Variants in MRPL19 observed in about 807,000 individuals in gnomAD.
MRPL19 encodes the protein large ribosomal subunit protein bL19m.
In MRPL19, 31 loss-of-function variants were observed where a neutral mutation model predicts 34.0. The observed-to-expected ratio is 0.91, with a 90% CI of 0.68 to 1.23. The LOEUF (loss-of-function observed/expected upper bound fraction) is 1.23. MRPL19 is among the 50% of genes most tolerant of loss of function. The pLI is 0.00. For missense variants in MRPL19, 384 were observed against 367.6 expected (o/e 1.04, Z -0.37); for synonymous variants, 152 against 127.7 (o/e 1.19, Z -1.28).
chr2:75,662,098 C>A lies in MRPL19; in HGVS notation c.*6813C>A, dbSNP rs1405889234. On this transcript the variant is annotated 3_prime_UTR_variant, in exon 6 of 6. Transcript: ENST00000393909. ...TAATTGAGATGATTGGTTCTGCAGT[C>A]ATCGAGATGTGGATTTTCTCCTTTA... The A allele has an allele frequency of 6.6e-6, 1 of 152,170 alleles. No homozygotes were observed. Among genetic ancestry groups the A allele is most frequent in the East Asian group, 1.9e-4 (1 of 5,190 alleles). The allele number at this position is 152,170 out of a possible 1,614,324, so 9.4% of individuals were successfully genotyped here.
In MRPL19 at chr2:75,655,228, T is replaced by A. The variant is rs984198040; in HGVS notation, c.822T>A (p.Asp274Glu). The A allele has an allele frequency of 9.3e-6, 15 of 1,613,358 alleles. No homozygotes were observed. The Admixed American group carries it at 1.3e-4, about 14-fold the overall frequency. Residue 274 changes from aspartate to glutamate, a missense_variant, in exon 6 of 6, where the codon GAT (aspartate) becomes GAA (glutamate). Transcript: ENST00000393909. Reference sequence around the variant, plus strand: ...AATTTGATATGATGAGGGAATATGATACTTCAAAAATTGAAGCTGCAATAT... The same window carrying A: ...AATTTGATATGATGAGGGAATATGAAACTTCAAAAATTGAAGCTGCAATAT... ...WLEFDMMREY[D>E]TSKIEAAIWK... is the part of the protein sequence containing the mutation.
In MRPL19 at chr2:75,656,586, C is replaced by A. The variant is rs1678458753; in HGVS notation, c.*1301C>A. 1 of 152,068 alleles carries A rather than the reference C, an allele frequency of 6.6e-6. No homozygotes were observed. The highest frequency in any genetic ancestry group is 1.9e-4 in the East Asian group (1 of 5,196). 9.4% of individuals were successfully genotyped at this position (152,068 alleles called of 1,614,324 possible). On this transcript the variant is annotated 3_prime_UTR_variant, in exon 6 of 6. Transcript: ENST00000393909. ...TTGCATGTCTCATGTTTGATTGATA[C>A]TTTATACGTTTAGGTAGGAGGTAAT...
rs895088658 is a variant in MRPL19, at chr2:75,660,132, T to C, written c.*4847T>C. Among the ~76,000 whole-genome samples, 4 of 152,130 alleles carry C rather than the reference T, an allele frequency of 2.6e-5. No homozygotes were observed. The highest frequency in any genetic ancestry group is 6.6e-5 in the Admixed American group (1 of 15,262). On this transcript the variant is annotated 3_prime_UTR_variant, in exon 6 of 6. Transcript: ENST00000393909. Reference sequence around the variant, plus strand: ...GATTCTTCTCCCTGTTCAGATCAACTGTTGAACTCCTCTAGTGAATTTATT... The same window carrying C: ...GATTCTTCTCCCTGTTCAGATCAACCGTTGAACTCCTCTAGTGAATTTATT...
rs1030029984 is a variant in MRPL19, at chr2:75,661,915, A to T, written c.*6630A>T. 6.6e-6 allele frequency: 1 copy of T among 152,210 alleles called. No individual in the cohort carries two copies. The highest frequency in any genetic ancestry group is 2.4e-5 in the African/African-American group (1 of 41,464). The allele number at this position is 152,210 out of a possible 1,614,324, so 9.4% of individuals were successfully genotyped here. A position where few individuals can be genotyped will look rare whatever the true frequency, so the allele number is the denominator to read the frequency against. On this transcript the variant is annotated 3_prime_UTR_variant, in exon 6 of 6. Coordinates refer to ENST00000393909, the MANE Select transcript of MRPL19 (RefSeq NM_014763.4). ...TGTTGAACAGAAATGGTGAGAGCAGACATCCTTGCTTTAATATTTCACCAT... is the reference window on the plus strand; with the variant it reads ...TGTTGAACAGAAATGGTGAGAGCAGTCATCCTTGCTTTAATATTTCACCAT...
At chr2:75,653,986 C>G (rs577871359) in intron 4 of MRPL19, among the ~76,000 whole-genome samples, 3 of 152,246 alleles carry the variant, frequency 2.0e-5, no homozygotes, top group Admixed American at 2.0e-4. Context: ...CATCTGCTTG[C>G]ATTTGTGCAG....
Position 75,657,364 on chromosome 2 carries a change from T to C in MRPL19, c.*2079T>C, listed in dbSNP as rs1219044357. On this transcript the variant is annotated 3_prime_UTR_variant, in exon 6 of 6. Coordinates refer to ENST00000393909, the MANE Select transcript of MRPL19 (RefSeq NM_014763.4). ...GAATAGAGGCTTCCAATCTCCTTCC[T>C]GGAGGGGTCTGTCCAGGAAGGAGAT... is the stretch of plus-strand genomic sequence containing the variant. 1 of 152,084 alleles carries C rather than the reference T, an allele frequency of 6.6e-6. No homozygotes were observed. Among genetic ancestry groups the C allele is most frequent in the Non-Finnish European group, 1.5e-5 (1 of 67,994 alleles). 9.4% of individuals were successfully genotyped at this position (152,084 alleles called of 1,614,324 possible).
At position 75,660,943 on chromosome 2, in the gene MRPL19, C is replaced by A. The variant is rs762329046; in HGVS notation, c.*5658C>A. 6 of 152,146 alleles carry A rather than the reference C, an allele frequency of 3.9e-5. No individual in the cohort carries two copies. Among genetic ancestry groups the A allele is most frequent in the Non-Finnish European group, 7.3e-5 (5 of 68,036 alleles). The allele number at this position is 152,146 out of a possible 1,614,324, so 9.4% of individuals were successfully genotyped here. ...ATAGATGGTTTTTTGGATATCTTGACCATAGTCTTTCGACCCAGGTGTTTG... is the reference window on the plus strand; with the variant it reads ...ATAGATGGTTTTTTGGATATCTTGAACATAGTCTTTCGACCCAGGTGTTTG... On this transcript the variant is annotated 3_prime_UTR_variant, in exon 6 of 6. Coordinates refer to ENST00000393909, the MANE Select transcript of MRPL19 (RefSeq NM_014763.4).
intron 2 of MRPL19, chr2:75,651,398 T>C: frequency 1.9e-6 from 1 of 537,438 alleles, no homozygotes; most frequent in Non-Finnish European, 3.8e-6. Context: ...TTAAAGTTAC[T>C]GACTCGCTGC....
chr2:75,652,148 G>A lies in MRPL19; in HGVS notation c.228G>A (p.Leu76=), dbSNP rs753229421. Reference sequence around the variant, plus strand: ...TTATTTGTATTTTTTACAGGTTCTTGAGTCCTGAATTCATTCCTCGAAGGG... The same window carrying A: ...TTATTTGTATTTTTTACAGGTTCTTAAGTCCTGAATTCATTCCTCGAAGGG... ...HRPVEPERRF[L]SPEFIPRRGR... Residue 76 remains leucine, a synonymous_variant, in exon 3 of 6, where the codon TTG becomes TTA. Transcript: ENST00000393909. The A allele has an allele frequency of 6.4e-7, 1 of 1,551,246 alleles. No homozygotes were observed. Among genetic ancestry groups the A allele is most frequent in the Non-Finnish European group, 8.7e-7 (1 of 1,144,822 alleles).
chr2:75,653,056 T>A (rs1210009257), intron 4 of MRPL19, among the ~76,000 whole-genome samples: 1 of 152,220 alleles, frequency 6.6e-6, no homozygotes, highest in Non-Finnish European at 1.5e-5. Flanking sequence ...CACATTTTAC[T>A]TTATGTTATG....
At chr2:75,654,569 T>C (rs981730046) in intron 4 of MRPL19, among the ~76,000 whole-genome samples, 167 bp from the exon 5 acceptor site, 2 of 152,232 alleles carry the variant, frequency 1.3e-5, no homozygotes, top group African/African-American at 4.8e-5. Context: ...TTTTAGCTTA[T>C]TTCTATTTCT....
chr2:75,651,125 C>G (rs1573026678), intron 2 of MRPL19, among the ~76,000 whole-genome samples: 1 of 152,158 alleles, frequency 6.6e-6, no homozygotes, highest in Non-Finnish European at 1.5e-5. Flanking sequence ...GGCATTTGAC[C>G]TAGAGTCCTT....
Position 75,661,779 on chromosome 2 carries a change from T to C in MRPL19, c.*6494T>C, listed in dbSNP as rs1209411100. ...CTCAAACGATCCTCCCAGCTCAGTCTCACAAAGTGTTGGGATGTCTGGCCA... is the reference window on the plus strand; with the variant it reads ...CTCAAACGATCCTCCCAGCTCAGTCCCACAAAGTGTTGGGATGTCTGGCCA... On this transcript the variant is annotated 3_prime_UTR_variant, in exon 6 of 6. Coordinates refer to ENST00000393909, the MANE Select transcript of MRPL19 (RefSeq NM_014763.4). The C allele has an allele frequency of 6.6e-6, 1 of 152,274 alleles. No individual in the cohort carries two copies. Among genetic ancestry groups the C allele is most frequent in the African/African-American group, 2.4e-5 (1 of 41,466 alleles). 9.4% of individuals were successfully genotyped at this position (152,274 alleles called of 1,614,324 possible).
rs774917102 is a variant in MRPL19 at position 75,652,541 on chromosome 2, C to T, written c.359C>T (p.Thr120Ile). 2.0e-5 allele frequency: 32 copies of T among 1,613,004 alleles called. No homozygotes were observed. The highest frequency in any genetic ancestry group is 8.4e-5 in the Admixed American group (5 of 59,852). ...TTTGTAGGAAGTATTCTTCGTGTTA[C>T]TACAGCTGACCCATATGCCAGTGGA... The part of the protein sequence containing the change: ...EFYVGSILRV[T>I]TADPYASGKI... Residue 120 changes from threonine (T) to isoleucine (I), a missense_variant, in exon 4 of 6, where the codon ACT becomes ATT. Physicochemically the swap from Thr to Ile is moderately conservative, Grantham distance 89. Coordinates refer to ENST00000393909, the MANE Select transcript of MRPL19 (RefSeq NM_014763.4).
At position 75,658,878 on chromosome 2, in the gene MRPL19, CTA is replaced by C. The variant is rs1426845621; in HGVS notation, c.*3595_*3596del. Among the ~76,000 whole-genome samples the C allele has an allele frequency of 4.6e-5, 7 of 151,426 alleles. No homozygotes were observed. The South Asian group carries it at 8.3e-4, about 18-fold the overall frequency. The stretch of plus-strand genomic sequence containing the variant: ...AAATTTTTGCACAGAGTATCTTTTT[CTA>C]TGTGTTCCATGTATTTGTGTCTTTG... On this transcript the variant is annotated 3_prime_UTR_variant, in exon 6 of 6. Coordinates refer to ENST00000393909, the MANE Select transcript of MRPL19 (RefSeq NM_014763.4).
At chr2:75,648,381 T>A (rs1299923457) in intron 2 of MRPL19, among the ~76,000 whole-genome samples, 2 of 152,080 alleles carry the variant, frequency 1.3e-5, no homozygotes, top group Non-Finnish European at 1.5e-5. Flanking sequence ...GTAACAAAAT[T>A]TAGAGGCAGC....
At chr2:75,651,262 A>G (rs553208175) in intron 2 of MRPL19, 1 of 487,824 alleles carries the variant, frequency 2.0e-6, no homozygotes, top group Admixed American at 2.1e-5. Context: ...AGGAAGAGAA[A>G]ATGGTTCAGG....
intron 2 of MRPL19, 192 bp downstream of exon 2, chr2:75,647,411 T>A (rs1678248199): frequency 1.2e-5 from 7 of 578,236 alleles, no homozygotes; most frequent in Middle Eastern, 4.6e-4. Flanking sequence ...TGAACTTCTT[T>A]GCAGTTTTAT....
intron 2 of MRPL19, 62 bp downstream of exon 2, chr2:75,647,281 C>T: frequency 1.4e-6 from 2 of 1,475,566 alleles, no homozygotes; most frequent in South Asian, 2.6e-5. Flanking sequence ...AGCGCGTTCG[C>T]GTTCGAGGTC....
Sources: allele counts gnomAD v4.1 joint callset (sites outside exome capture counted in the v4.1 genomes callset), GRCh38; gene constraint gnomAD v4.1.1; transcripts MANE v1.5; gene names NCBI Gene and HGNC (gene_info 2026-07-23, HGNC 2026-07-21).